RYR1: variants seen among roughly 807,000 people sequenced by gnomAD.
RYR1 encodes the protein ryanodine receptor 1.
In RYR1, 342 loss-of-function variants were observed where a neutral mutation model predicts 583.5. That is an observed-to-expected ratio of 0.59 (90% CI 0.54 to 0.64). The LOEUF (loss-of-function observed/expected upper bound fraction) is 0.64. Ranked by LOEUF, RYR1 falls within the 30% of genes least tolerant of loss-of-function variation. RYR1 has a pLI of 0.00. For missense variants in RYR1, 6,032 were observed against 6,917.2 expected (o/e 0.87, Z 4.54); for synonymous variants, 2,791 against 2,822.5 (o/e 0.99, Z 0.35).
intron 53 of RYR1, 50 bp from the exon 54 acceptor site, chr19:38,505,756 C>G: frequency 6.2e-7 from 1 of 1,611,808 alleles, no homozygotes; most frequent in Non-Finnish European, 8.5e-7. Flanking sequence ...CCTTCCTCCA[C>G]CCCTCTCTCA....
intron 23 of RYR1, among the ~76,000 whole-genome samples, chr19:38,465,555 G>A (rs752877168): frequency 4.6e-5 from 7 of 151,968 alleles, no homozygotes; most frequent in Non-Finnish European, 7.4e-5. Flanking sequence ...ACCTGAGGTC[G>A]GGAATTCGAG....
intron 96 of RYR1, among the ~76,000 whole-genome samples, chr19:38,575,395 C>CA (rs1568598511): frequency 6.6e-6 from 1 of 152,156 alleles, no homozygotes; most frequent in East Asian, 1.9e-4. Flanking sequence ...GCAGGTGGCT[C>CA]ACGCCTGTAA....
In RYR1 at chr19:38,513,194, G is replaced by A. The variant is rs551538163; in HGVS notation, c.9472+711G>A. Among the ~76,000 whole-genome samples, 10 of 151,972 alleles carry A rather than the reference G, an allele frequency of 6.6e-5. No individual in the cohort carries two copies. The East Asian group carries it at 9.7e-4, about 15-fold the overall frequency. ...CTCTACTAAAATACAAAAATTAGCCGGGCATGGTGGTGGTCGCCTATAATC... is the reference window on the plus strand; with the variant it reads ...CTCTACTAAAATACAAAAATTAGCCAGGCATGGTGGTGGTCGCCTATAATC... On this transcript the variant is annotated intron_variant, in intron 63 of 105. Coordinates refer to ENST00000359596, the MANE Select transcript of RYR1 (RefSeq NM_000540.3).
intron 39 of RYR1, 50 bp downstream of exon 39, chr19:38,494,675 A>C (rs756431594): frequency 6.2e-7 from 1 of 1,606,466 alleles, no homozygotes; most frequent in East Asian, 2.2e-5. Context: ...TGGGTAATGA[A>C]TACCCTCAGG....
intron 87 of RYR1, among the ~76,000 whole-genome samples, chr19:38,544,488 G>T (rs1972341667): frequency 6.6e-6 from 1 of 152,152 alleles, no homozygotes. Flanking sequence ...CTGCACAAAG[G>T]CACGATCTCT....
intron 31 of RYR1, among the ~76,000 whole-genome samples, chr19:38,480,088 C>G (rs1968934106): frequency 6.6e-6 from 1 of 152,034 alleles, no homozygotes; most frequent in Non-Finnish European, 1.5e-5. Flanking sequence ...ACTGCCATGC[C>G]CCTGTCACAC....
intron 64 of RYR1, 121 bp from the exon 65 acceptor site, chr19:38,515,965 TG>T: frequency 8.2e-7 from 1 of 1,217,534 alleles, no homozygotes; most frequent in Non-Finnish European, 1.1e-6. Context: ...GTGGCACACA[TG>T]GATGAATGGC....
chr19:38,465,880 A>G (rs992392426), intron 23 of RYR1, among the ~76,000 whole-genome samples: 1 of 152,246 alleles, frequency 6.6e-6, no homozygotes, highest in Admixed American at 6.5e-5. Flanking sequence ...GAGGTCATTG[A>G]TGTCAAAGCC....
At chr19:38,575,069 T>A (rs979381846) in intron 96 of RYR1, among the ~76,000 whole-genome samples, 1 of 149,004 alleles carries the variant, frequency 6.7e-6, no homozygotes, top group African/African-American at 2.5e-5. Context: ...TCGTTGGCCA[T>A]ATTTGAGGAT....
In RYR1 at chr19:38,523,224, A is replaced by C. The variant is rs1244083918; in HGVS notation, c.10355A>C (p.Lys3452Thr). The change falls in exon 69 of 106, where the codon AAG becomes ACG. Residue 3452 changes from lysine (K) to threonine (T), a missense_variant. Lys to Thr is a moderately conservative substitution (Grantham distance 78). Around this residue, in one of 11 missense-constraint regions of RYR1, gnomAD observed 1,493 missense variants for 1,715.5 expected, o/e 0.87. Transcript: ENST00000359596. ...FIYWSKSHNF[K>T]REEQNFVVQN... ...CACTGCTTCCCCCACCAGAACTTCA[A>C]GCGCGAGGAGCAGAACTTTGTGGTC... 2.5e-6 allele frequency: 4 copies of C among 1,614,210 alleles called. No individual in the cohort carries two copies. The highest frequency in any genetic ancestry group is 3.4e-6 in the Non-Finnish European group (4 of 1,180,032).
chr19:38,506,961 G>A lies in RYR1; in HGVS notation c.8816+9G>A. 1 of 1,612,438 alleles carries A rather than the reference G, an allele frequency of 6.2e-7. No homozygotes were observed. The highest frequency in any genetic ancestry group is 8.5e-7 in the Non-Finnish European group (1 of 1,180,022). On this transcript the variant is annotated intron_variant, in intron 57 of 105. Coordinates refer to ENST00000359596, the MANE Select transcript of RYR1 (RefSeq NM_000540.3). ...GGCTACGCGGTTACAAGGCACGCGG[G>A]TTGGGGCTCCCGCGGAAGAGCAGCA...
At chr19:38,453,578 C>T (rs1190499596) in intron 13 of RYR1, among the ~76,000 whole-genome samples, 5 of 151,436 alleles carry the variant, frequency 3.3e-5, no homozygotes, top group African/African-American at 1.2e-4. Flanking sequence ...CGGGGAGAGA[C>T]AGGAGATCAA....
intron 87 of RYR1, among the ~76,000 whole-genome samples, chr19:38,544,549 T>C (rs1482318443): frequency 6.6e-6 from 1 of 152,164 alleles, no homozygotes; most frequent in East Asian, 1.9e-4. Flanking sequence ...AATAGTTTAG[T>C]TTTCCAGCAG....
At chr19:38,522,982 C>T in intron 67 of RYR1, 46 bp from the exon 68 acceptor site, 1 of 1,484,662 alleles carries the variant, frequency 6.7e-7, no homozygotes, top group Non-Finnish European at 9.2e-7. Flanking sequence ...AGCCCCCTTC[C>T]CTGGGATCCC....
chr19:38,500,015 A>C lies in RYR1; in HGVS notation c.7322A>C (p.His2441Pro). Residue 2441 changes from histidine (H) to proline (P), a missense_variant and splice_region_variant, in exon 45 of 106, where the codon CAT (histidine) becomes CCT (proline). Physicochemically the swap from His to Pro is moderately conservative, Grantham distance 77 (BLOSUM62 -2). Transcript: ENST00000359596. This position sits in a 1 kb window ranked among gnomAD's most constrained non-coding sequence, Gnocchi z 5.9. ...DLLGRCAPEM[H>P]LIQAGKGEAL... Reference sequence around the variant, plus strand: ...CTCGGACGCTGTGCACCAGAGATGCATGTGAGACCCTGAGCCAGGGCAGGA... The same window carrying C: ...CTCGGACGCTGTGCACCAGAGATGCCTGTGAGACCCTGAGCCAGGGCAGGA... The C allele has an allele frequency of 6.2e-7, 1 of 1,613,906 alleles. No homozygotes were observed. The highest frequency in any genetic ancestry group is 1.7e-5 in the Admixed American group (1 of 60,024).
In RYR1 at chr19:38,561,349, C is replaced by T. The variant is rs543483732; in HGVS notation, c.12519C>T (p.Phe4173=). 6.2e-7 allele frequency: 1 copy of T among 1,613,960 alleles called. No homozygotes were observed. The highest frequency in any genetic ancestry group is 8.5e-7 in the Non-Finnish European group (1 of 1,180,036). The change falls in exon 90 of 106, where the codon TTC becomes TTT. Residue 4173 remains phenylalanine (F), a synonymous_variant. Coordinates refer to ENST00000359596, the MANE Select transcript of RYR1 (RefSeq NM_000540.3). This position sits in a 1 kb window ranked among gnomAD's most constrained non-coding sequence, Gnocchi z 4.8. ...LELAESILEY[F]RPYLGRIEIM... is the part of the protein sequence containing the mutation. The stretch of plus-strand genomic sequence containing the variant: ...TGGCCGAGAGCATCCTTGAGTACTT[C>T]CGCCCCTACCTGGGCCGCATCGAGA...
At chr19:38,476,238 G>A (rs1342985632) in intron 29 of RYR1, among the ~76,000 whole-genome samples, 2 of 151,962 alleles carry the variant, frequency 1.3e-5, no homozygotes, top group Admixed American at 6.6e-5. Flanking sequence ...TCAGCCTGTC[G>A]CCCAGGCTGG....
chr19:38,542,945 G>A (rs1259736078), intron 84 of RYR1, among the ~76,000 whole-genome samples: 20 of 151,742 alleles, frequency 1.3e-4, no homozygotes, highest in African/African-American at 4.6e-4. Context: ...GGGTTGAAGC[G>A]ATTCTCCTGC....
At chr19:38,495,413 A>C (rs935118884) in intron 39 of RYR1, among the ~76,000 whole-genome samples, 1 of 152,034 alleles carries the variant, frequency 6.6e-6, no homozygotes, top group African/African-American at 2.4e-5. Context: ...TGGCCCAATC[A>C]CAGCTCACTG....
Sources: allele counts gnomAD v4.1 joint callset (sites outside exome capture counted in the v4.1 genomes callset), GRCh38; gene constraint gnomAD v4.1.1; regional missense constraint gnomAD v4.1.1; non-coding constraint Gnocchi (gnomAD v3.1); transcripts MANE v1.5; gene names NCBI Gene and HGNC (gene_info 2026-07-23, HGNC 2026-07-21).